Variants in DUXA observed in about 807,000 individuals in gnomAD.
DUXA encodes the protein double homeobox A.
In DUXA, 25 loss-of-function variants were observed where a neutral mutation model predicts 27.5. The observed-to-expected ratio is 0.91, with a 90% confidence interval of 0.66 to 1.27. The LOEUF (loss-of-function observed/expected upper bound fraction) is 1.27. Ranked by LOEUF, DUXA falls within the 50% of genes most tolerant of loss-of-function variation. The probability of loss-of-function intolerance (pLI) is 0.00; values close to 1 mark genes in which losing one functional copy is unlikely to be tolerated. For missense variants in DUXA, 247 were observed against 242.9 expected (o/e 1.02, Z -0.11); for synonymous variants, 90 against 80.5 (o/e 1.12, Z -0.63).
Position 57,158,250 on chromosome 19 carries a change from T to C in DUXA, c.438+78A>G, listed in dbSNP as rs2087001913. ...AAATGTGCCCAGCATGATGAGGAAC[T>C]GCCTGAGGCCCATGTGGCTTCCCTT... On this transcript the variant is annotated intron_variant, in intron 4 of 5. Transcript: ENST00000554048. 2.6e-6 allele frequency: 4 copies of C among 1,525,602 alleles called. No individual in the cohort carries two copies. The Admixed American group carries it at 5.2e-5, about 20-fold the overall frequency. 94.5% of individuals were successfully genotyped at this position (1,525,602 alleles called of 1,614,324 possible).
chr19:57,158,261 C>G, intron 4 of DUXA, 67 bp downstream of exon 4: 1 of 1,570,540 alleles, frequency 6.4e-7, no homozygotes, highest in East Asian at 2.2e-5. Flanking sequence ...GCCTGAGGCC[C>G]ATGTGGCTTC....
chr19:57,154,933 C>T (rs1296758152), intron 5 of DUXA, among the ~76,000 whole-genome samples: 1 of 152,226 alleles, frequency 6.6e-6, no homozygotes, highest in African/African-American at 2.4e-5. Context: ...CCCTGGCAGA[C>T]CACACCTGAG....
chr19:57,154,848 C>T (rs945387487), intron 5 of DUXA, among the ~76,000 whole-genome samples: 2 of 152,188 alleles, frequency 1.3e-5, no homozygotes, highest in Non-Finnish European at 2.9e-5. Flanking sequence ...CAGGCGTGAG[C>T]CTCCATGCCC....
chr19:57,166,847 T>A (rs1039925044), intron 1 of DUXA, among the ~76,000 whole-genome samples: 6 of 152,176 alleles, frequency 3.9e-5, no homozygotes, highest in South Asian at 2.1e-4. Flanking sequence ...GTTTTCTAGA[T>A]ATGAGGCATG....
At position 57,158,451 on chromosome 19, in the gene DUXA, A is replaced by G. The variant is rs1250771319; in HGVS notation, c.315T>C (p.Arg105=). 1 of 1,613,798 alleles carries G rather than the reference A, an allele frequency of 6.2e-7. No individual in the cohort carries two copies. The highest frequency in any genetic ancestry group is 8.5e-7 in the Non-Finnish European group (1 of 1,179,734). ...EFQSREARRC[R]TTYSASQLHT... is the part of the protein sequence containing the mutation. The stretch of plus-strand genomic sequence containing the variant: ...GTAACTGAGAGGCGCTGTAGGTGGT[A>G]CGACACCGTCTGGCTTCTCTACCTA... The change falls in exon 4 of 6, where the codon CGT becomes CGC. Residue 105 remains arginine (R), a synonymous_variant. Coordinates refer to ENST00000554048, the MANE Select transcript of DUXA (RefSeq NM_001012729.2).
At chr19:57,156,517 T>G (rs1164693241) in intron 4 of DUXA, among the ~76,000 whole-genome samples, 1 of 152,150 alleles carries the variant, frequency 6.6e-6, no homozygotes, top group Non-Finnish European at 1.5e-5. Context: ...TGCTCCTGCC[T>G]CAGCCTCTCG....
chr19:57,165,322 A>ATATATATATATATATATATATATATATAT (rs1484903570), intron 1 of DUXA, among the ~76,000 whole-genome samples: 21 of 89,048 alleles, frequency 2.4e-4, no homozygotes, highest in Middle Eastern at 6.0e-3. Context: ...AAAAAAAAAA[A>ATATATATATATATATATATATATATATAT]AAATATATAT....
intron 1 of DUXA, among the ~76,000 whole-genome samples, chr19:57,163,993 G>T (rs1362319559): frequency 1.3e-5 from 2 of 152,032 alleles, no homozygotes; most frequent in Admixed American, 6.6e-5. Flanking sequence ...GGACAGGTGG[G>T]TTCCTTGAGT....
chr19:57,156,196 T>C (rs1408797199), intron 4 of DUXA, among the ~76,000 whole-genome samples: 1 of 152,158 alleles, frequency 6.6e-6, no homozygotes. Context: ...CCCTCAGAAA[T>C]GCCCATTTTA....
intron 4 of DUXA, among the ~76,000 whole-genome samples, chr19:57,156,319 C>G (rs1325580860): frequency 6.6e-6 from 1 of 152,194 alleles, no homozygotes; most frequent in Non-Finnish European, 1.5e-5. Flanking sequence ...GCATGTAAAA[C>G]TTATGCATAT....
chr19:57,154,466 T>C lies in DUXA; in HGVS notation c.561A>G (p.Gln187=), dbSNP rs2086980659. ...PEGLQGAEDT[Q]NGTNFTSDSH... ...AGTCACTAGTGAAGTTGGTGCCATT[T>C]TGTGTATCTTCTGCACCTAAGGAGG... Residue 187 remains glutamine, a synonymous_variant, in exon 6 of 6, where the codon CAA becomes CAG. Coordinates refer to ENST00000554048, the MANE Select transcript of DUXA (RefSeq NM_001012729.2). 1.2e-6 allele frequency: 2 copies of C among 1,613,772 alleles called. No individual in the cohort carries two copies. The highest frequency in any genetic ancestry group is 1.7e-5 in the Admixed American group (1 of 60,018).
rs371962814 is a variant in DUXA, at chr19:57,158,437, G to T, written c.329C>A (p.Ala110Asp). 5.0e-6 allele frequency: 8 copies of T among 1,614,022 alleles called. No individual in the cohort carries two copies. The highest frequency in any genetic ancestry group is 3.3e-4 in the Middle Eastern group (2 of 6,024). ...EARRCRTTYS[A>D]SQLHTLIKAF... ...CTTGATGAGAGTGTGTAACTGAGAG[G>T]CGCTGTAGGTGGTACGACACCGTCT... The change falls in exon 4 of 6, where the codon GCC becomes GAC. Residue 110 changes from alanine to aspartate, a missense_variant. By Grantham distance (126) the Ala-to-Asp change is moderately radical. Coordinates refer to ENST00000554048, the MANE Select transcript of DUXA (RefSeq NM_001012729.2).
intron 4 of DUXA, among the ~76,000 whole-genome samples, chr19:57,156,652 G>T (rs956540320): frequency 6.6e-6 from 1 of 151,958 alleles, no homozygotes; most frequent in African/African-American, 2.4e-5. Flanking sequence ...GACATGAGCC[G>T]CCGTAACTGG....
At chr19:57,159,381 G>A in intron 2 of DUXA, 103 bp from the exon 3 acceptor site, 5 of 987,776 alleles carry the variant, frequency 5.1e-6, no homozygotes, top group Non-Finnish European at 7.5e-6. Context: ...CTAGGCCCAG[G>A]ATTATTACTT....
rs751062136 is a variant in DUXA, at chr19:57,155,281, G to A, written c.530C>T (p.Pro177Leu). 10 of 1,614,150 alleles carry A rather than the reference G, an allele frequency of 6.2e-6. No individual in the cohort carries two copies. Among genetic ancestry groups the A allele is most frequent in the East Asian group, 2.2e-5 (1 of 44,876 alleles). ...SLEQEEQGKI[P>L]EGLQGAEDTQ... ...AGGCTAGTTACCTTGCAGTCCCTCA[G>A]GAATCTTGCCCTGCTCTTCTTGTTC... The change falls in exon 5 of 6, where the codon CCT becomes CTT. Residue 177 changes from proline (P) to leucine (L), a missense_variant. Physicochemically the swap from Pro to Leu is moderately conservative, Grantham distance 98. Transcript: ENST00000554048.
intron 5 of DUXA, 142 bp from the exon 6 acceptor site, chr19:57,154,624 C>T (rs1234255702): frequency 5.3e-5 from 31 of 589,622 alleles, no homozygotes; most frequent in East Asian, 2.0e-4. Flanking sequence ...AGTGCGGTGG[C>T]GCGATCTCGG....
At chr19:57,156,780 T>G (rs1193561034) in intron 4 of DUXA, among the ~76,000 whole-genome samples, 1 of 152,212 alleles carries the variant, frequency 6.6e-6, no homozygotes, top group African/African-American at 2.4e-5. Flanking sequence ...TTCTCCTGCC[T>G]CAGCCTCCGG....
At position 57,157,281 on chromosome 19, in the gene DUXA, G is replaced by A. The variant is rs78080939; in HGVS notation, c.438+1047C>T. Among the ~76,000 whole-genome samples the A allele has an allele frequency of 4.9e-3, 739 of 152,204 alleles. 3 individuals are homozygous for A. Among genetic ancestry groups the A allele is most frequent in the African/African-American group, 0.014 (580 of 41,534 alleles). On this transcript the variant is annotated intron_variant, in intron 4 of 5. Transcript: ENST00000554048. ...CAAGATGTGTCAGGAATGAATCCTC[G>A]GACAGACTGGTACATTTCTCTGAGC... is the stretch of plus-strand genomic sequence containing the variant.
rs2086979297 is a variant in DUXA, at chr19:57,154,268, G to C, written c.*144C>G. On this transcript the variant is annotated 3_prime_UTR_variant, in exon 6 of 6. Transcript: ENST00000554048. ...CTCCCAAAGTAGTGGGATTACAAGT[G>C]TGACCCACCACATCTGGCCAAGTCC... The C allele has an allele frequency of 1.4e-6, 1 of 701,682 alleles. No individual in the cohort carries two copies. The highest frequency in any genetic ancestry group is 1.8e-5 in the African/African-American group (1 of 55,264). 43.5% of individuals were successfully genotyped at this position (701,682 alleles called of 1,614,324 possible).
Sources: gnomAD v4.1 joint callset for allele counts (sites outside exome capture counted in the v4.1 genomes callset) on GRCh38, gnomAD v4.1.1 for gene constraint, MANE v1.5 for transcripts, NCBI Gene and HGNC (gene_info 2026-07-23, HGNC 2026-07-21) for gene names.